The following PTPRD variants were observed in gnomAD, a reference collection of about 807,000 sequenced individuals.
PTPRD encodes the protein receptor-type tyrosine-protein phosphatase delta.
PTPRD carries 34 observed loss-of-function variants against 214.5 expected under a neutral mutation model. The observed-to-expected ratio is 0.16, with a 90% CI of 0.12 to 0.21. The LOEUF (loss-of-function observed/expected upper bound fraction) is 0.21. Among genes scored for constraint, PTPRD ranks in the 10% least tolerant of loss-of-function variants. The pLI is 1.00. For synonymous variants in PTPRD, 1,128 were observed against 845.7 expected, an observed-to-expected ratio of 1.33 and a Z score of -5.79; for missense variants, 2,545 against 2,398.7, an observed-to-expected ratio of 1.06 and a Z score of -1.27.
chr9:8,614,158 T>C (rs2087349848), intron 14 of PTPRD, among the ~76,000 whole-genome samples: 1 of 152,134 alleles, frequency 6.6e-6, no homozygotes. Flanking sequence ...GGAGAAGCAA[T>C]GGTATTACAC....
chr9:9,562,197 C>T (rs938727002), intron 8 of PTPRD, among the ~76,000 whole-genome samples: 6 of 151,996 alleles, frequency 3.9e-5, no homozygotes, highest in African/African-American at 1.2e-4. Flanking sequence ...GTTCTTAGCT[C>T]TCAAATCCCC....
chr9:10,061,359 G>C (rs1483371240), intron 3 of PTPRD, among the ~76,000 whole-genome samples: 2 of 152,022 alleles, frequency 1.3e-5, no homozygotes, highest in African/African-American at 4.8e-5. Context: ...CTATAACTTA[G>C]GGAAAACACA....
At chr9:9,751,999 T>C (rs972725868) in intron 6 of PTPRD, among the ~76,000 whole-genome samples, 6 of 152,120 alleles carry the variant, frequency 3.9e-5, no homozygotes, top group African/African-American at 1.4e-4. Flanking sequence ...ACAACAACTA[T>C]ATTCGATTTA....
chr9:9,451,893 AGAG>A (rs1398840287), intron 8 of PTPRD, among the ~76,000 whole-genome samples: 10 of 151,702 alleles, frequency 6.6e-5, no homozygotes, highest in East Asian at 3.9e-4. Context: ...TACAGAGAGA[AGAG>A]GAGATGAATA....
At chr9:9,651,032 C>T (rs2096330234) in intron 7 of PTPRD, among the ~76,000 whole-genome samples, 1 of 151,868 alleles carries the variant, frequency 6.6e-6, no homozygotes, top group Admixed American at 6.6e-5. Flanking sequence ...TAGGATTACC[C>T]TTATTGTATA....
At chr9:10,034,441 TA>T (rs2097141221) in intron 3 of PTPRD, among the ~76,000 whole-genome samples, 1 of 150,036 alleles carries the variant, frequency 6.7e-6, no homozygotes, top group Non-Finnish European at 1.5e-5. Flanking sequence ...TAAGAACTTT[TA>T]AGTTCAGGGG....
At chr9:9,509,454 G>T (rs2096647383) in intron 8 of PTPRD, among the ~76,000 whole-genome samples, 1 of 150,854 alleles carries the variant, frequency 6.6e-6, no homozygotes, top group Non-Finnish European at 1.5e-5. Context: ...CATCACAACT[G>T]GACAATGACA....
chr9:9,650,832 G>C (rs146941700), intron 7 of PTPRD, among the ~76,000 whole-genome samples: 220 of 151,838 alleles, frequency 1.4e-3, no homozygotes, highest in African/African-American at 4.8e-3. Context: ...ATATAAATTT[G>C]TACACCTATT....
chr9:9,327,679 C>T (rs1328891289), intron 9 of PTPRD, among the ~76,000 whole-genome samples: 2 of 151,964 alleles, frequency 1.3e-5, no homozygotes, highest in Non-Finnish European at 1.5e-5. Context: ...AATAATAAGA[C>T]TTTCCTATAT....
At chr9:9,067,920 C>G (rs2099737477) in intron 10 of PTPRD, among the ~76,000 whole-genome samples, 1 of 152,150 alleles carries the variant, frequency 6.6e-6, no homozygotes, top group African/African-American at 2.4e-5. Context: ...AGACACAGAA[C>G]TGTTCCATTA....
chr9:9,997,102 G>A (rs1301182801), intron 4 of PTPRD, among the ~76,000 whole-genome samples: 1 of 152,046 alleles, frequency 6.6e-6, no homozygotes, highest in Non-Finnish European at 1.5e-5. Context: ...AATAATTAAG[G>A]AAAACCTAAG....
intron 11 of PTPRD, among the ~76,000 whole-genome samples, chr9:8,802,267 T>G (rs951483516): frequency 6.6e-6 from 1 of 152,176 alleles, no homozygotes; most frequent in Non-Finnish European, 1.5e-5. Context: ...TGAAGGGTTT[T>G]TTGGTACAAG....
chr9:9,675,349 A>T (rs2096909200), intron 7 of PTPRD, among the ~76,000 whole-genome samples: 1 of 151,852 alleles, frequency 6.6e-6, no homozygotes, highest in Admixed American at 6.6e-5. Flanking sequence ...CCTAAAAATT[A>T]ATCAACTAAT....
chr9:9,631,834 A>T (rs1223862325), intron 7 of PTPRD, among the ~76,000 whole-genome samples: 1 of 152,150 alleles, frequency 6.6e-6, no homozygotes, highest in Non-Finnish European at 1.5e-5. Flanking sequence ...CAATTCAGCC[A>T]CTTGCCGGGC....
At chr9:8,553,409 T>C (rs1056078584) in intron 14 of PTPRD, among the ~76,000 whole-genome samples, 4 of 152,152 alleles carry the variant, frequency 2.6e-5, no homozygotes, top group African/African-American at 9.7e-5. Context: ...CAAGGAGCAA[T>C]TTGGTTTGCT....
chr9:8,748,610 T>C lies in PTPRD; in HGVS notation c.-103-14664A>G, dbSNP rs144636440. On this transcript the variant is annotated intron_variant, in intron 11 of 45. Coordinates refer to ENST00000381196, the MANE Select transcript of PTPRD (RefSeq NM_002839.4). ...TTGTCACTAGGGTCAAAACTATTCATTGCATAAATCTTCATCACTGGCCAG... is the reference window on the plus strand; with the variant it reads ...TTGTCACTAGGGTCAAAACTATTCACTGCATAAATCTTCATCACTGGCCAG... Among the ~76,000 whole-genome samples the C allele has an allele frequency of 5.6e-3, 851 of 151,462 alleles. 2 individuals are homozygous for C. The highest frequency in any genetic ancestry group is 8.2e-3 in the Non-Finnish European group (557 of 67,854).
At chr9:8,360,381 C>CAA (rs912423201) in intron 39 of PTPRD, among the ~76,000 whole-genome samples, 2 of 152,126 alleles carry the variant, frequency 1.3e-5, no homozygotes, top group Non-Finnish European at 2.9e-5. Context: ...TTCTTAGTCC[C>CAA]AAATTTTAAA....
At chr9:10,571,984 T>TGGGGG (rs2131990184) in intron 2 of PTPRD, among the ~76,000 whole-genome samples, 1 of 152,298 alleles carries the variant, frequency 6.6e-6, no homozygotes, top group African/African-American at 2.4e-5. Flanking sequence ...GCCCAGGGGT[T>TGGGGG]GGGGACACCT....
In PTPRD at chr9:9,729,101, T is replaced by A. The variant is rs566663333; in HGVS notation, c.-287+5432A>T. 4.6e-5 allele frequency among the ~76,000 whole-genome samples: 7 copies of A among 152,240 alleles called. No individual in the cohort carries two copies. In the South Asian group the frequency reaches 1.5e-3, roughly 32 times the overall value. Reference sequence around the variant, plus strand: ...TTCAGAAATACCCAAACATAATAGCTCCCATTTCCGTTTGAGTAGTTTGGG... The same window carrying A: ...TTCAGAAATACCCAAACATAATAGCACCCATTTCCGTTTGAGTAGTTTGGG... On this transcript the variant is annotated intron_variant, in intron 7 of 45. Coordinates refer to ENST00000381196, the MANE Select transcript of PTPRD (RefSeq NM_002839.4).
Sources: allele counts gnomAD v4.1 joint callset (sites outside exome capture counted in the v4.1 genomes callset), GRCh38; gene constraint gnomAD v4.1.1; transcripts MANE v1.5; gene names NCBI Gene and HGNC (gene_info 2026-07-23, HGNC 2026-07-21).